The following WWTR1 variants were observed in gnomAD, a reference collection of about 807,000 sequenced individuals.
WWTR1 encodes WW domain-containing transcription regulator protein 1.
Under a neutral mutation model 40.1 loss-of-function variants are expected in WWTR1, and 13 were observed. The ratio of observed to expected loss-of-function variants is 0.32; its 90% CI spans 0.21 to 0.52. WWTR1 has a LOEUF of 0.52. Among genes scored for constraint, WWTR1 ranks in the 20% least tolerant of loss-of-function variants. The pLI is 0.97. For missense variants in WWTR1, 436 were observed against 523.1 expected (o/e 0.83, Z 1.63); for synonymous variants, 230 against 210.1 (o/e 1.09, Z -0.82).
intron 2 of WWTR1, among the ~76,000 whole-genome samples, chr3:149,591,095 C>T (rs1463694819): frequency 1.3e-5 from 2 of 151,912 alleles, no homozygotes; most frequent in African/African-American, 4.8e-5. Flanking sequence ...CCATGTGATC[C>T]TGTAGTTGTT....
chr3:149,615,527 C>A (rs1739931405), intron 2 of WWTR1, among the ~76,000 whole-genome samples: 2 of 152,102 alleles, frequency 1.3e-5, no homozygotes, highest in Non-Finnish European at 2.9e-5. Context: ...TGAATATTTC[C>A]ATAATACAAA....
intron 1 of WWTR1, among the ~76,000 whole-genome samples, chr3:149,675,386 G>C (rs1178239421): frequency 6.6e-6 from 1 of 152,200 alleles, no homozygotes; most frequent in Non-Finnish European, 1.5e-5. Flanking sequence ...GGAGTATCTA[G>C]GGTGATGCCT....
chr3:149,671,796 T>G (rs1181521582), intron 1 of WWTR1, among the ~76,000 whole-genome samples: 2 of 152,090 alleles, frequency 1.3e-5, no homozygotes, highest in African/African-American at 4.8e-5. Context: ...TGCTTAAAGG[T>G]CTTATTATTC....
intron 2 of WWTR1, among the ~76,000 whole-genome samples, chr3:149,574,921 C>T (rs955370755): frequency 5.3e-5 from 8 of 151,908 alleles, no homozygotes; most frequent in Admixed American, 5.2e-4. Flanking sequence ...ATGGTGAAAC[C>T]CCAGCTCTAT....
intron 5 of WWTR1, 41 bp from the exon 6 acceptor site, chr3:149,526,166 T>C: frequency 7.0e-7 from 1 of 1,432,622 alleles, no homozygotes; most frequent in Non-Finnish European, 9.5e-7. Flanking sequence ...ATGAGCCCAC[T>C]AAATAAATCT....
At chr3:149,572,613 A>T (rs1737690475) in intron 3 of WWTR1, among the ~76,000 whole-genome samples, 1 of 152,030 alleles carries the variant, frequency 6.6e-6, no homozygotes, top group Admixed American at 6.6e-5. Context: ...GCATGAAGAG[A>T]CATAGAAACA....
chr3:149,628,133 G>C (rs1450200087), intron 2 of WWTR1, among the ~76,000 whole-genome samples: 1 of 150,942 alleles, frequency 6.6e-6, no homozygotes, highest in Admixed American at 6.6e-5. Flanking sequence ...CACTTTGGGA[G>C]GTCGAGGTGG....
At chr3:149,676,323 C>T (rs1714257720) in intron 1 of WWTR1, among the ~76,000 whole-genome samples, 1 of 152,104 alleles carries the variant, frequency 6.6e-6, no homozygotes, top group Admixed American at 6.6e-5. Context: ...AGAATCTTTC[C>T]AGATAATTTA....
At chr3:149,724,499 T>TAA (rs11382942) in intron 3 of WWTR1, among the ~76,000 whole-genome samples, 3,720 of 146,382 alleles carry the variant, frequency 0.025, 60 homozygotes, top group Non-Finnish European at 0.036. Flanking sequence ...CCAGACTCCT[T>TAA]AAAAAAAAAA....
At chr3:149,692,781 C>T (rs547068458) in intron 1 of WWTR1, among the ~76,000 whole-genome samples, 30 of 152,128 alleles carry the variant, frequency 2.0e-4, no homozygotes, top group African/African-American at 6.5e-4. Context: ...TTACAGGTGC[C>T]GGCCACTGCA....
chr3:149,540,079 TACACACACACACACACACAC>T (rs202144589), intron 4 of WWTR1: 71 of 272,118 alleles, frequency 2.6e-4, no homozygotes, highest in African/African-American at 1.4e-3. Flanking sequence ...TCCTCCTAAC[TACACACACACACACACACAC>T]ACACACACAC....
intron 2 of WWTR1, among the ~76,000 whole-genome samples, chr3:149,629,417 G>A (rs922883440): frequency 1.3e-5 from 2 of 152,142 alleles, no homozygotes; most frequent in African/African-American, 4.8e-5. Context: ...TATTTCCTAC[G>A]CTGGGGAATC....
chr3:149,672,809 G>A (rs1714138822), intron 1 of WWTR1, among the ~76,000 whole-genome samples: 1 of 148,240 alleles, frequency 6.7e-6, no homozygotes, highest in Non-Finnish European at 1.5e-5. Context: ...TAAGAAATAG[G>A]GTCTCACTTG....
intron 1 of WWTR1, among the ~76,000 whole-genome samples, chr3:149,701,237 G>A (rs1317845800): frequency 2.0e-5 from 3 of 152,134 alleles, no homozygotes; most frequent in East Asian, 1.9e-4. Context: ...AGTAAAGCAT[G>A]TGAATAAACT....
At chr3:149,667,784 A>AT (rs143351644) in intron 2 of WWTR1, among the ~76,000 whole-genome samples, 2 of 152,222 alleles carry the variant, frequency 1.3e-5, no homozygotes, top group African/African-American at 2.4e-5. Context: ...ATCATCTCCC[A>AT]TTTTTTGTGA....
chr3:149,690,910 A>G (rs949839247), intron 1 of WWTR1, among the ~76,000 whole-genome samples: 1 of 152,206 alleles, frequency 6.6e-6, no homozygotes, highest in African/African-American at 2.4e-5. Context: ...TCTGTTCACA[A>G]TGGAATAAAA....
chr3:149,622,529 G>GAAAGAA (rs1553800315), intron 2 of WWTR1, among the ~76,000 whole-genome samples: 1 of 149,624 alleles, frequency 6.7e-6, no homozygotes, highest in African/African-American at 2.5e-5. Flanking sequence ...AAGAAAGAAA[G>GAAAGAA]AAAGAAAGAA....
intron 3 of WWTR1, among the ~76,000 whole-genome samples, chr3:149,543,748 T>C (rs921872172): frequency 6.6e-6 from 1 of 151,360 alleles, no homozygotes; most frequent in Non-Finnish European, 1.5e-5. Context: ...GGCAATGTCA[T>C]GTAATAAAGA....
intron 1 of WWTR1, among the ~76,000 whole-genome samples, chr3:149,698,275 C>T (rs781009344): frequency 3.3e-5 from 5 of 152,106 alleles, no homozygotes; most frequent in African/African-American, 9.7e-5. Flanking sequence ...ATACTGTTCT[C>T]GTGATAGTGA....
Sources: gnomAD v4.1 joint callset for allele counts (sites outside exome capture counted in the v4.1 genomes callset) on GRCh38, gnomAD v4.1.1 for gene constraint, MANE v1.5 for transcripts, NCBI Gene and HGNC (gene_info 2026-07-23, HGNC 2026-07-21) for gene names.